The following MED23 variants were observed in gnomAD, a reference collection of about 807,000 sequenced individuals.
The protein encoded by MED23 is mediator complex subunit 23.
Under a neutral mutation model 163.9 loss-of-function variants are expected in MED23, and 105 were observed. The ratio of observed to expected loss-of-function variants is 0.64; its 90% CI spans 0.55 to 0.75. The LOEUF (loss-of-function observed/expected upper bound fraction) is 0.75, where lower values mean the gene tolerates loss of function less well. Among genes scored for constraint, MED23 ranks in the 30% least tolerant of loss-of-function variants. The pLI is 0.00. For synonymous variants in MED23, 561 were observed against 565.6 expected, an observed-to-expected ratio of 0.99 and a Z score of 0.12; for missense variants, 1,054 against 1,649.0, an observed-to-expected ratio of 0.64 and a Z score of 6.25.
In MED23 at chr6:131,592,902, T is replaced by G. The variant is rs1585463963; in HGVS notation, c.3398+104A>C. ...ACCAGAAAACAGTCATCATCCAATG[T>G]GCATCAGCCTTGCGGCAACAGGTTT... On this transcript the variant is annotated intron_variant, in intron 24 of 28. Coordinates refer to ENST00000368068, the MANE Select transcript of MED23 (RefSeq NM_004830.4). The G allele has an allele frequency of 2.3e-6, 3 of 1,301,236 alleles. No individual in the cohort carries two copies. The East Asian group carries it at 7.2e-5, about 31-fold the overall frequency. The allele number at this position is 1,301,236 out of a possible 1,614,324, so 80.6% of individuals were successfully genotyped here.
intron 30 of MED23, chr6:131,581,412 A>ATACTT: frequency 6.3e-7 from 1 of 1,593,366 alleles, no homozygotes; most frequent in South Asian, 1.1e-5. Context: ...GTGCAATAGA[A>ATACTT]TACTTTTTAG....
chr6:131,575,478 A>C (rs1296468315), intron 30 of MED23, among the ~76,000 whole-genome samples: 1 of 152,204 alleles, frequency 6.6e-6, no homozygotes, highest in East Asian at 1.9e-4. Flanking sequence ...GTAAAGAAGC[A>C]AAATGTGTCA....
chr6:131,575,498 T>C (rs1392142796), intron 30 of MED23, among the ~76,000 whole-genome samples: 1 of 152,102 alleles, frequency 6.6e-6, no homozygotes, highest in African/African-American at 2.4e-5. Context: ...AGGCAGAGGA[T>C]AGGGCGGGTC....
chr6:131,612,259 T>C (rs1309904785), intron 10 of MED23, among the ~76,000 whole-genome samples: 1 of 151,910 alleles, frequency 6.6e-6, no homozygotes, highest in African/African-American at 2.4e-5. Context: ...AATATGTTGC[T>C]TTATCTGCAA....
Position 131,628,240 on chromosome 6 carries a change from G to T in MED23, c.-191C>A, listed in dbSNP as rs1777667861. 1 of 641,488 alleles carries T rather than the reference G, an allele frequency of 1.6e-6. No individual in the cohort carries two copies. The highest frequency in any genetic ancestry group is 2.8e-6 in the Non-Finnish European group (1 of 362,160). 39.7% of individuals were successfully genotyped at this position (641,488 alleles called of 1,614,324 possible). ...GCCAACAGCAGGAACCTGTACGGAA[G>T]ACGGGAAGGGCCCGGTACGCGCCGT... On this transcript the variant is annotated 5_prime_UTR_variant, in exon 1 of 29. Coordinates refer to ENST00000368068, the MANE Select transcript of MED23 (RefSeq NM_004830.4).
chr6:131,579,810 A>G (rs1773822973), intron 30 of MED23: 2 of 162,442 alleles, frequency 1.2e-5, no homozygotes. Context: ...TTTTCCTTGT[A>G]CATGATGACT....
chr6:131,609,445 A>G (rs1403950717), intron 11 of MED23, among the ~76,000 whole-genome samples: 2 of 150,484 alleles, frequency 1.3e-5, no homozygotes, highest in African/African-American at 4.9e-5. Context: ...TTGTCCTTCA[A>G]GTGTTAGCTT....
At chr6:131,620,901 C>T (rs901578509) in intron 6 of MED23, among the ~76,000 whole-genome samples, 172 bp from the exon 7 acceptor site, 6 of 151,416 alleles carry the variant, frequency 4.0e-5, no homozygotes, top group African/African-American at 1.5e-4. Context: ...CTCTGGGGCT[C>T]CAGTGGTGTT....
In MED23 at chr6:131,592,994, C is replaced by T; in HGVS notation, c.3398+12G>A. 1.2e-6 allele frequency: 2 copies of T among 1,614,016 alleles called. No individual in the cohort carries two copies. The highest frequency in any genetic ancestry group is 1.1e-5 in the South Asian group (1 of 91,076). ...AAACAACAAATCTTACTGCATGAAC[C>T]AGAATACATACCTTTTTAGGACAAC... On this transcript the variant is annotated intron_variant, in intron 24 of 28. Coordinates refer to ENST00000368068, the MANE Select transcript of MED23 (RefSeq NM_004830.4).
chr6:131,582,584 A>AATCAT, downstream of MED23: 1 of 1,520,854 alleles, frequency 6.6e-7, no homozygotes, highest in Non-Finnish European at 9.1e-7. Flanking sequence ...TGTTCAAGAG[A>AATCAT]ATCATACATA....
intron 18 of MED23, among the ~76,000 whole-genome samples, chr6:131,599,129 TCA>T (rs1168579141): frequency 4.6e-5 from 7 of 152,214 alleles, no homozygotes; most frequent in Non-Finnish European, 7.3e-5. Context: ...CCAGTGATTC[TCA>T]GAGTGTGGTC....
rs1173493140 is a variant in MED23 at position 131,593,996 on chromosome 6, A to C, written c.3232+103T>G. 3.3e-5 allele frequency: 33 copies of C among 990,462 alleles called. 1 individual carries two copies. The South Asian group carries it at 4.0e-4, about 12-fold the overall frequency. The allele number at this position is 990,462 out of a possible 1,614,324, so 61.4% of individuals were successfully genotyped here. On this transcript the variant is annotated intron_variant, in intron 23 of 28. Transcript: ENST00000368068. ...ATGGAAGTGATCTTAAAAAAAATTA[A>C]AACCTTGAAATACATAAAAAATTAC...
intron 3 of MED23, among the ~76,000 whole-genome samples, chr6:131,626,558 A>C (rs17060467): frequency 0.012 from 1,757 of 152,340 alleles, 35 homozygotes; most frequent in African/African-American, 0.041. Flanking sequence ...TTCTATATGC[A>C]TAAAATACTT....
rs371393186 is a variant in MED23, at chr6:131,596,504, A to G, written c.2778+14T>C. The stretch of plus-strand genomic sequence containing the variant: ...TTTAAAAGGACTATTTGAAATACCA[A>G]TTAGGACTAGTACCTTGTGATAATT... On this transcript the variant is annotated intron_variant, in intron 21 of 28. Coordinates refer to ENST00000368068, the MANE Select transcript of MED23 (RefSeq NM_004830.4). 66 of 1,613,824 alleles carry G rather than the reference A, an allele frequency of 4.1e-5. No homozygotes were observed. The South Asian group carries it at 5.2e-4, about 13-fold the overall frequency.
chr6:131,593,962 G>T, intron 23 of MED23, 137 bp downstream of exon 23: 1 of 684,974 alleles, frequency 1.5e-6, no homozygotes, highest in Non-Finnish European at 2.4e-6. Context: ...AATCTTTACA[G>T]AGATGAAAAT....
intron 9 of MED23, among the ~76,000 whole-genome samples, chr6:131,617,488 C>A (rs1189087948): frequency 6.8e-6 from 1 of 147,424 alleles, no homozygotes; most frequent in East Asian, 2.0e-4. Flanking sequence ...CTTTTAAATT[C>A]ATTCCCATCA....
Position 131,589,595 on chromosome 6 carries a change from A to G in MED23, c.3809T>C (p.Ile1270Thr), listed in dbSNP as rs773581524. The change falls in exon 28 of 29, where the codon ATT (isoleucine) becomes ACT (threonine). Residue 1270 changes from isoleucine (I) to threonine (T), a missense_variant and splice_region_variant. Coordinates refer to ENST00000368068, the MANE Select transcript of MED23 (RefSeq NM_004830.4). ...QQERTRCMIEIGVAFYDMLLN... is the reference protein window; with the variant it reads ...QQERTRCMIETGVAFYDMLLN... ...CAGCATGTCATAAAACGCCACACCA[A>G]TCTATTTAACAAATAATGTAAAATT... 20 of 1,613,656 alleles carry G rather than the reference A, an allele frequency of 1.2e-5. No homozygotes were observed. The highest frequency in any genetic ancestry group is 1.7e-5 in the Non-Finnish European group (20 of 1,179,766).
intron 12 of MED23, among the ~76,000 whole-genome samples, chr6:131,606,889 G>A (rs1288484531): frequency 1.3e-5 from 2 of 151,730 alleles, no homozygotes; most frequent in South Asian, 2.1e-4. Context: ...TCCTACTATC[G>A]CAGAGCATTC....
Position 131,615,896 on chromosome 6 carries a change from T to C in MED23, c.876+11A>G, listed in dbSNP as rs898492758. 1.9e-6 allele frequency: 3 copies of C among 1,597,074 alleles called. No homozygotes were observed. Among genetic ancestry groups the C allele is most frequent in the South Asian group, 1.1e-5 (1 of 90,736 alleles). ...TGCAGAATTTACTAGGTTTCCAGCA[T>C]AGTACAGTACCTGCTTATTTAAACC... On this transcript the variant is annotated intron_variant, in intron 10 of 28. Transcript: ENST00000368068.
Sources: gnomAD v4.1 joint callset for allele counts (sites outside exome capture counted in the v4.1 genomes callset) on GRCh38, gnomAD v4.1.1 for gene constraint, MANE v1.5 for transcripts, NCBI Gene and HGNC (gene_info 2026-07-23, HGNC 2026-07-21) for gene names.